The following PCDHGA5 variants were observed in gnomAD, a reference collection of about 807,000 sequenced individuals.
PCDHGA5 encodes protocadherin gamma-A5.
In PCDHGA5, 36 loss-of-function variants were observed where a neutral mutation model predicts 56.7. The ratio of observed to expected loss-of-function variants is 0.64; its 90% CI spans 0.49 to 0.84. PCDHGA5 has a LOEUF of 0.84. Among genes scored for constraint, PCDHGA5 ranks in the 40% least tolerant of loss-of-function variants. PCDHGA5 has a pLI of 0.00. For synonymous variants in PCDHGA5, 563 were observed against 520.2 expected, an observed-to-expected ratio of 1.08 and a Z score of -1.12; for missense variants, 1,305 against 1,201.5, an observed-to-expected ratio of 1.09 and a Z score of -1.27.
chr5:141,499,689 C>CTTTTT (rs545067566), intron 2 of PCDHGA5, among the ~76,000 whole-genome samples: 5 of 119,848 alleles, frequency 4.2e-5, no homozygotes, highest in Admixed American at 8.7e-5. Context: ...TAACAGATGA[C>CTTTTT]TTTTTTTTTT....
chr5:141,398,829 C>G (rs1020690994), intron 1 of PCDHGA5: 2 of 1,613,876 alleles, frequency 1.2e-6, no homozygotes, highest in African/African-American at 1.3e-5. Context: ...AGGTAACCGA[C>G]GCCAATGATA....
At chr5:141,414,221 C>A in intron 1 of PCDHGA5, 1 of 1,613,126 alleles carries the variant, frequency 6.2e-7, no homozygotes, top group Non-Finnish European at 8.5e-7. Flanking sequence ...GACAACAGTC[C>A]AGAGCTGACC....
intron 1 of PCDHGA5, chr5:141,403,572 C>T (rs749341214): frequency 1.9e-6 from 3 of 1,613,946 alleles, no homozygotes; most frequent in Non-Finnish European, 8.5e-7. Flanking sequence ...GAGGCAACTG[C>T]CCACCACCTG....
intron 2 of PCDHGA5, among the ~76,000 whole-genome samples, chr5:141,502,135 G>A (rs1254187943): frequency 6.6e-6 from 1 of 152,154 alleles, no homozygotes; most frequent in East Asian, 1.9e-4. Context: ...GAGCTCAGTC[G>A]GGCCGGAAGT....
chr5:141,395,819 T>A (rs2093315125), intron 1 of PCDHGA5: 1 of 152,210 alleles, frequency 6.6e-6, no homozygotes, highest in Admixed American at 6.5e-5. Context: ...ATGAACAAAC[T>A]TTAAAGATGG....
chr5:141,425,241 AG>A (rs2096863585), intron 1 of PCDHGA5, among the ~76,000 whole-genome samples: 1 of 152,220 alleles, frequency 6.6e-6, no homozygotes, highest in Admixed American at 6.5e-5. Flanking sequence ...TTAAATAAAA[AG>A]GATATGAGGT....
rs532675537 is a variant in PCDHGA5, at chr5:141,508,584, T to C, written c.2570-2363T>C. Among the ~76,000 whole-genome samples, 87 of 152,266 alleles carry C rather than the reference T, an allele frequency of 5.7e-4. 1 individual carries two copies. Among genetic ancestry groups the C allele is most frequent in the African/African-American group, 1.6e-3 (66 of 41,552 alleles). On this transcript the variant is annotated intron_variant, in intron 3 of 3. Coordinates refer to ENST00000518069, the MANE Select transcript of PCDHGA5 (RefSeq NM_018918.3). The stretch of plus-strand genomic sequence containing the variant: ...TGTCACTTGCACCCACTCGGGGTGC[T>C]ACTCAGAGATCTTGGGTGCACATAG...
intron 1 of PCDHGA5, chr5:141,423,413 C>T (rs757696505): frequency 2.5e-6 from 4 of 1,614,022 alleles, no homozygotes; most frequent in South Asian, 2.2e-5. Flanking sequence ...CTGCAGGCTT[C>T]TGAAGGCGGG....
intron 1 of PCDHGA5, chr5:141,374,277 G>C: frequency 1.2e-6 from 2 of 1,613,958 alleles, no homozygotes; most frequent in African/African-American, 1.3e-5. Context: ...CACGGAGTCC[G>C]CATCGTCTCC....
At chr5:141,506,682 C>T (rs1333272766) in intron 3 of PCDHGA5, among the ~76,000 whole-genome samples, 4 of 152,192 alleles carry the variant, frequency 2.6e-5, no homozygotes, top group African/African-American at 9.6e-5. Context: ...ATATTATTAT[C>T]TTTGCTGACC....
intron 1 of PCDHGA5, chr5:141,389,544 A>G (rs759523366): frequency 1.2e-6 from 2 of 1,613,260 alleles, no homozygotes; most frequent in Non-Finnish European, 1.7e-6. Context: ...GGACGACCGC[A>G]ACGACAATGC....
intron 1 of PCDHGA5, chr5:141,372,555 C>T: frequency 6.2e-7 from 1 of 1,614,046 alleles, no homozygotes; most frequent in Non-Finnish European, 8.5e-7. Context: ...CTCCTCCAGA[C>T]CCGCCACTGA....
intron 1 of PCDHGA5, chr5:141,414,700 A>G (rs886960965): frequency 6.2e-7 from 1 of 1,613,994 alleles, no homozygotes. Context: ...GTCCTCATAC[A>G]TATCCATCAA....
chr5:141,434,981 T>C (rs2097734526), intron 1 of PCDHGA5, among the ~76,000 whole-genome samples: 1 of 152,054 alleles, frequency 6.6e-6, no homozygotes. Flanking sequence ...GTTAATACTC[T>C]ATATCATTTT....
intron 1 of PCDHGA5, chr5:141,392,672 T>C (rs1375291090): frequency 4.5e-6 from 4 of 880,364 alleles, no homozygotes; most frequent in Non-Finnish European, 6.7e-6. Flanking sequence ...AACTAACTGC[T>C]GGACTGCAGC....
chr5:141,436,309 T>C (rs1228417864), intron 1 of PCDHGA5, among the ~76,000 whole-genome samples: 1 of 152,198 alleles, frequency 6.6e-6, no homozygotes, highest in Non-Finnish European at 1.5e-5. Flanking sequence ...AGAGCATGAA[T>C]AGTCAAGACT....
chr5:141,510,852 G>A (rs2099883073), intron 3 of PCDHGA5, 95 bp from the exon 4 acceptor site: 2 of 1,601,096 alleles, frequency 1.2e-6, no homozygotes, highest in Non-Finnish European at 1.7e-6. Flanking sequence ...GGCCCAGGGT[G>A]CTGTATAGGC....
intron 1 of PCDHGA5, chr5:141,442,535 A>C (rs2098331560): frequency 6.6e-6 from 1 of 152,240 alleles, no homozygotes; most frequent in Non-Finnish European, 1.5e-5. Flanking sequence ...CTCCAAGGTG[A>C]AAAATTCTTG....
At chr5:141,472,884 G>A (rs1426207609) in intron 1 of PCDHGA5, among the ~76,000 whole-genome samples, 2 of 151,610 alleles carry the variant, frequency 1.3e-5, no homozygotes, top group African/African-American at 4.8e-5. Flanking sequence ...TACTCGGGAG[G>A]CTGAGGCAGG....
Sources: allele counts gnomAD v4.1 joint callset (sites outside exome capture counted in the v4.1 genomes callset), GRCh38; gene constraint gnomAD v4.1.1; transcripts MANE v1.5; gene names NCBI Gene and HGNC (gene_info 2026-07-23, HGNC 2026-07-21).